MGAT3: variants seen among roughly 807,000 people sequenced by gnomAD.
The protein encoded by MGAT3 is beta-1,4-mannosyl-glycoprotein 4-beta-N-acetylglucosaminyltransferase.
Under a neutral mutation model 29.8 loss-of-function variants are expected in MGAT3, and 9 were observed. The observed-to-expected ratio is 0.30, with a 90% CI of 0.18 to 0.53. MGAT3 has a LOEUF of 0.53. Among genes scored for constraint, MGAT3 ranks in the 20% least tolerant of loss-of-function variants. The pLI is 0.96. For missense variants in MGAT3, 557 were observed against 769.5 expected (o/e 0.72, Z 3.27); for synonymous variants, 397 against 348.9 (o/e 1.14, Z -1.54).
At position 39,457,884 on chromosome 22, in the gene MGAT3, C is replaced by A. The variant is rs1369796814; in HGVS notation, c.-2+327C>A. On this transcript the variant is annotated intron_variant, in intron 1 of 1. Coordinates refer to ENST00000341184, the MANE Select transcript of MGAT3 (RefSeq NM_002409.5). The surrounding 1 kb of genome is among the most constrained non-coding windows in gnomAD (Gnocchi z 6.8). ...CCCGAGGCGCGGGGCTCGAGCCGTG[C>A]TTTGTGCGCGGCACCCCCCAGCCTC... Among the ~76,000 whole-genome samples, 1 of 151,524 alleles carries A rather than the reference C, an allele frequency of 6.6e-6. No homozygotes were observed. The highest frequency in any genetic ancestry group is 1.9e-4 in the East Asian group (1 of 5,142).
At chr22:39,469,051 G>C (rs1928734083) in intron 1 of MGAT3, among the ~76,000 whole-genome samples, 1 of 151,726 alleles carries the variant, frequency 6.6e-6, no homozygotes, top group East Asian at 1.9e-4. Context: ...CCATTCCGGT[G>C]AGCGGTAGGC....
chr22:39,461,475 G>C (rs1392756389), intron 1 of MGAT3, among the ~76,000 whole-genome samples: 1 of 152,104 alleles, frequency 6.6e-6, no homozygotes, highest in Non-Finnish European at 1.5e-5. Flanking sequence ...CCTTCGAGGG[G>C]CTCCTCTCCA....
chr22:39,473,155 C>T (rs1928858921), intron 1 of MGAT3, among the ~76,000 whole-genome samples: 1 of 152,180 alleles, frequency 6.6e-6, no homozygotes, highest in African/African-American at 2.4e-5. Context: ...GGGGAGGCCT[C>T]AGATGTGCTG....
At chr22:39,471,977 G>T (rs1928823714) in intron 1 of MGAT3, among the ~76,000 whole-genome samples, 1 of 152,172 alleles carries the variant, frequency 6.6e-6, no homozygotes, top group Non-Finnish European at 1.5e-5. Context: ...TCCCTAGAGG[G>T]CGAGGTATTG....
intron 1 of MGAT3, among the ~76,000 whole-genome samples, chr22:39,464,358 G>T (rs1415983545): frequency 2.0e-5 from 3 of 152,264 alleles, no homozygotes; most frequent in Admixed American, 6.5e-5. Context: ...ACTGGGGATG[G>T]GTTGGGCCCC....
rs1431360064 is a variant in MGAT3 at position 39,457,223 on chromosome 22, G to T, written c.-336G>T. 5 of 144,620 alleles carry T rather than the reference G, an allele frequency of 3.5e-5. No homozygotes were observed. The highest frequency in any genetic ancestry group is 3.4e-4 in the Admixed American group (5 of 14,636). 9.0% of individuals were successfully genotyped at this position (144,620 alleles called of 1,614,324 possible). On this transcript the variant is annotated 5_prime_UTR_variant, in exon 1 of 2. Transcript: ENST00000341184. This position sits in a 1 kb window ranked among gnomAD's most constrained non-coding sequence, Gnocchi z 6.8. ...GGGAGCGGGCACCCCTGCGCGCCGC[G>T]CTCGGCCTCGCCTCCGCGCCCCCCG...
At chr22:39,486,914 G>A (rs1301966582) in intron 1 of MGAT3, among the ~76,000 whole-genome samples, 1 of 152,202 alleles carries the variant, frequency 6.6e-6, no homozygotes, top group Non-Finnish European at 1.5e-5. Context: ...AAAGAAGATA[G>A]GAGGGGAGGG....
At chr22:39,474,996 C>A (rs923980137) in intron 1 of MGAT3, among the ~76,000 whole-genome samples, 1 of 152,128 alleles carries the variant, frequency 6.6e-6, no homozygotes, top group Non-Finnish European at 1.5e-5. Context: ...AGCCCAGCGC[C>A]CCTGCCTTCC....
At chr22:39,478,211 G>A (rs1929023568) in intron 1 of MGAT3, among the ~76,000 whole-genome samples, 1 of 152,268 alleles carries the variant, frequency 6.6e-6, no homozygotes, top group East Asian at 1.9e-4. Flanking sequence ...CCACCCCAAG[G>A]TGTACCAGGG....
intron 1 of MGAT3, chr22:39,472,830 G>A (rs1928846908): frequency 6.6e-6 from 1 of 152,304 alleles, no homozygotes; most frequent in East Asian, 1.9e-4. Context: ...CTGCCATAGA[G>A]CCTTGAAAGC....
chr22:39,460,187 C>A (rs934695832), intron 1 of MGAT3, among the ~76,000 whole-genome samples: 1 of 152,242 alleles, frequency 6.6e-6, no homozygotes, highest in African/African-American at 2.4e-5. Flanking sequence ...AGCCCCTCAT[C>A]TTAGCCATCT....
At chr22:39,478,213 G>A (rs1318359444) in intron 1 of MGAT3, among the ~76,000 whole-genome samples, 1 of 152,276 alleles carries the variant, frequency 6.6e-6, no homozygotes, top group African/African-American at 2.4e-5. Flanking sequence ...ACCCCAAGGT[G>A]TACCAGGGCT....
intron 1 of MGAT3, among the ~76,000 whole-genome samples, chr22:39,468,227 G>A (rs908551535): frequency 1.3e-5 from 2 of 152,292 alleles, no homozygotes; most frequent in South Asian, 2.1e-4. Flanking sequence ...GATCCCAGGG[G>A]CAACGCTGCC....
intron 1 of MGAT3, among the ~76,000 whole-genome samples, chr22:39,478,506 C>T (rs1929032528): frequency 6.6e-6 from 1 of 152,200 alleles, no homozygotes; most frequent in Non-Finnish European, 1.5e-5. Flanking sequence ...AGACATGAGC[C>T]GTCTGAACCA....
intron 1 of MGAT3, among the ~76,000 whole-genome samples, chr22:39,476,294 A>G (rs1414228403): frequency 6.6e-6 from 1 of 151,876 alleles, no homozygotes; most frequent in Non-Finnish European, 1.5e-5. Context: ...AGTGGGGCTG[A>G]CTCCATGAGG....
In MGAT3 at chr22:39,465,564, A is replaced by G. The variant is rs577117298; in HGVS notation, c.-2+8007A>G. 3.4e-4 allele frequency among the ~76,000 whole-genome samples: 52 copies of G among 152,326 alleles called. 1 individual carries two copies. Among genetic ancestry groups the G allele is most frequent in the Middle Eastern group, 6.8e-3 (2 of 294 alleles). On this transcript the variant is annotated intron_variant, in intron 1 of 1. Transcript: ENST00000341184. ...GCAGGCTCTACTGCAGACACTAGAC[A>G]CGATCGAACCACTTCCCCTGCTTAG...
intron 1 of MGAT3, among the ~76,000 whole-genome samples, chr22:39,486,701 A>G (rs1244741788): frequency 6.6e-6 from 1 of 151,636 alleles, no homozygotes; most frequent in Non-Finnish European, 1.5e-5. Context: ...GGGTCTCACT[A>G]TGTTGTCCAA....
intron 1 of MGAT3, among the ~76,000 whole-genome samples, chr22:39,473,701 A>G (rs1238585747): frequency 6.6e-6 from 1 of 151,970 alleles, no homozygotes; most frequent in Non-Finnish European, 1.5e-5. Flanking sequence ...GATCAGGCAG[A>G]CAGCAGCAAA....
chr22:39,473,351 C>T (rs1216756992), intron 1 of MGAT3, among the ~76,000 whole-genome samples: 1 of 152,224 alleles, frequency 6.6e-6, no homozygotes, highest in Non-Finnish European at 1.5e-5. Flanking sequence ...AGTATCCACA[C>T]ATGGAGACGG....
Sources: allele counts gnomAD v4.1 joint callset (sites outside exome capture counted in the v4.1 genomes callset), GRCh38; gene constraint gnomAD v4.1.1; non-coding constraint Gnocchi (gnomAD v3.1); transcripts MANE v1.5; gene names NCBI Gene and HGNC (gene_info 2026-07-23, HGNC 2026-07-21).